AUTS2: variants seen among roughly 807,000 people sequenced by gnomAD.
AUTS2 encodes the protein activator of transcription and developmental regulator AUTS2.
Under a neutral mutation model 112.4 loss-of-function variants are expected in AUTS2, and 17 were observed. The ratio of observed to expected loss-of-function variants is 0.15; its 90% CI spans 0.10 to 0.23. The LOEUF (loss-of-function observed/expected upper bound fraction) is 0.23. Ranked by LOEUF, AUTS2 falls within the 10% of genes least tolerant of loss-of-function variation. AUTS2 has a pLI of 1.00. For synonymous variants in AUTS2, 751 were observed against 702.7 expected (o/e 1.07, Z -1.09); for missense variants, 1,510 against 1,701.6 (o/e 0.89, Z 1.98).
At chr7:69,725,768 C>T (rs1214770191) in intron 1 of AUTS2, among the ~76,000 whole-genome samples, 1 of 152,156 alleles carries the variant, frequency 6.6e-6, no homozygotes, top group Non-Finnish European at 1.5e-5. Context: ...TCCCATATTT[C>T]AGCATCTCCT....
At chr7:69,856,724 A>T (rs1373271336) in intron 1 of AUTS2, among the ~76,000 whole-genome samples, 1 of 152,186 alleles carries the variant, frequency 6.6e-6, no homozygotes, top group African/African-American at 2.4e-5. Context: ...AATGTGTGTG[A>T]GAGAGTTTTC....
chr7:70,031,968 A>G (rs527423730), intron 2 of AUTS2, among the ~76,000 whole-genome samples: 23 of 152,242 alleles, frequency 1.5e-4, no homozygotes, highest in African/African-American at 5.3e-4. Context: ...TACTTTTGGT[A>G]TATTTCTTGA....
At chr7:69,935,755 T>A (rs1396065522) in intron 2 of AUTS2, among the ~76,000 whole-genome samples, 1 of 152,190 alleles carries the variant, frequency 6.6e-6, no homozygotes, top group Non-Finnish European at 1.5e-5. Flanking sequence ...CAGTGTGAAG[T>A]TTGTACCCAG....
At chr7:70,787,488 C>A in intron 18 of AUTS2, 57 bp downstream of exon 18, 1 of 1,299,628 alleles carries the variant, frequency 7.7e-7, no homozygotes, top group Non-Finnish European at 1.1e-6. Flanking sequence ...ATGCCAAGTA[C>A]CAGTGGAACT....
intron 2 of AUTS2, among the ~76,000 whole-genome samples, chr7:70,087,426 A>G (rs947983226): frequency 3.3e-5 from 5 of 150,196 alleles, no homozygotes; most frequent in Admixed American, 6.6e-5. Context: ...CTGGAGTGCA[A>G]TGGCGTGATC....
chr7:70,108,959 C>G (rs1384231414), intron 2 of AUTS2, among the ~76,000 whole-genome samples: 1 of 152,130 alleles, frequency 6.6e-6, no homozygotes, highest in Non-Finnish European at 1.5e-5. Flanking sequence ...GTTTGGCTCC[C>G]AAGCCCCTTT....
In AUTS2 at chr7:70,498,565, A is replaced by T. The variant is rs140401420; in HGVS notation, c.690+62784A>T. On this transcript the variant is annotated intron_variant, in intron 5 of 18. Coordinates refer to ENST00000342771, the MANE Select transcript of AUTS2 (RefSeq NM_015570.4). ...TGTTCTTATAAGCAGAGGGTGTAGG[A>T]AGGGACTAGGTGGGGGGTTGGTGGG... Among the ~76,000 whole-genome samples the T allele has an allele frequency of 3.2e-4, 48 of 152,202 alleles. No individual in the cohort carries two copies. In the East Asian group the frequency reaches 9.3e-3, roughly 29 times the overall value.
intron 2 of AUTS2, among the ~76,000 whole-genome samples, chr7:70,035,218 G>C (rs1225505531): frequency 6.6e-6 from 1 of 152,052 alleles, no homozygotes; most frequent in Admixed American, 6.6e-5. Context: ...ATTTCTTATT[G>C]CTTGACTTTT....
intron 2 of AUTS2, among the ~76,000 whole-genome samples, chr7:70,015,240 G>A (rs1354978967): frequency 2.0e-5 from 3 of 152,174 alleles, no homozygotes; most frequent in Non-Finnish European, 2.9e-5. Flanking sequence ...GCTTGGATTA[G>A]TATCCACAGT....
intron 4 of AUTS2, among the ~76,000 whole-genome samples, chr7:70,306,264 C>T (rs987095315): frequency 7.2e-5 from 11 of 152,190 alleles, no homozygotes; most frequent in African/African-American, 2.7e-4. Flanking sequence ...GTAGATAAAA[C>T]TAGTCTTAAA....
rs372307666 is a variant in AUTS2, at chr7:70,274,294, T to A, written c.660+139723T>A. On this transcript the variant is annotated intron_variant, in intron 4 of 18. Transcript: ENST00000342771. ...GGGCTTCTTTATTTTATATAGAAAC[T>A]CATCTTTTTTTGTTTTGAGACAGGG... Among the ~76,000 whole-genome samples, 25 of 152,230 alleles carry A rather than the reference T, an allele frequency of 1.6e-4. No homozygotes were observed. The East Asian group carries it at 2.9e-3, about 18-fold the overall frequency.
At chr7:70,289,681 C>T (rs1414538203) in intron 4 of AUTS2, among the ~76,000 whole-genome samples, 1 of 152,110 alleles carries the variant, frequency 6.6e-6, no homozygotes, top group Non-Finnish European at 1.5e-5. Flanking sequence ...ACCAAAGACC[C>T]AAGATAGTTG....
chr7:70,573,326 C>T (rs1802028680), intron 5 of AUTS2, among the ~76,000 whole-genome samples: 1 of 152,212 alleles, frequency 6.6e-6, no homozygotes, highest in Non-Finnish European at 1.5e-5. Context: ...TTACCTCGAC[C>T]TGTCTTTCTG....
At chr7:69,827,045 G>C (rs1327609256) in intron 1 of AUTS2, among the ~76,000 whole-genome samples, 1 of 152,144 alleles carries the variant, frequency 6.6e-6, no homozygotes, top group Non-Finnish European at 1.5e-5. Context: ...ACTTTTGGGA[G>C]TGTTTCTCCC....
chr7:70,741,705 A>G (rs1319532289), intron 6 of AUTS2, among the ~76,000 whole-genome samples: 3 of 151,708 alleles, frequency 2.0e-5, no homozygotes, highest in African/African-American at 4.8e-5. Flanking sequence ...AAAAAAAAAG[A>G]AAGAAAAAAA....
intron 5 of AUTS2, among the ~76,000 whole-genome samples, chr7:70,608,619 C>T (rs2129532546): frequency 6.6e-6 from 1 of 152,272 alleles, no homozygotes; most frequent in East Asian, 1.9e-4. Flanking sequence ...GATGAACCAC[C>T]CTGATGAAAG....
At chr7:70,169,317 T>C (rs1808548753) in intron 4 of AUTS2, among the ~76,000 whole-genome samples, 1 of 152,154 alleles carries the variant, frequency 6.6e-6, no homozygotes, top group South Asian at 2.1e-4. Context: ...CTTGGCTCAC[T>C]GCAAGCTCTG....
intron 4 of AUTS2, among the ~76,000 whole-genome samples, chr7:70,424,857 G>T (rs1317079399): frequency 2.6e-5 from 4 of 152,194 alleles, no homozygotes; most frequent in Admixed American, 6.5e-5. Context: ...AAAGTTCTGG[G>T]ATTAAAGGCA....
At chr7:69,956,595 A>G (rs1461374491) in intron 2 of AUTS2, among the ~76,000 whole-genome samples, 1 of 152,124 alleles carries the variant, frequency 6.6e-6, no homozygotes, top group Non-Finnish European at 1.5e-5. Flanking sequence ...AAACGGTTGA[A>G]ATTATATTTT....
Sources: allele counts gnomAD v4.1 joint callset (sites outside exome capture counted in the v4.1 genomes callset), GRCh38; gene constraint gnomAD v4.1.1; transcripts MANE v1.5; gene names NCBI Gene and HGNC (gene_info 2026-07-23, HGNC 2026-07-21).